CCDC88B: variants seen among roughly 807,000 people sequenced by gnomAD.
CCDC88B encodes the protein coiled-coil domain-containing protein 88B.
Under a neutral mutation model 183.7 loss-of-function variants are expected in CCDC88B, and 138 were observed. The observed-to-expected ratio is 0.75, with a 90% CI of 0.65 to 0.87. The LOEUF is 0.87. Among genes scored for constraint, CCDC88B ranks in the 40% least tolerant of loss-of-function variants. CCDC88B has a pLI of 0.00. For synonymous variants in CCDC88B, 835 were observed against 867.5 expected, an observed-to-expected ratio of 0.96 and a Z score of 0.66; for missense variants, 1,822 against 1,965.6, an observed-to-expected ratio of 0.93 and a Z score of 1.38.
Position 64,343,276 on chromosome 11 carries a change from C to T in CCDC88B, c.1160C>T (p.Thr387Ile), listed in dbSNP as rs1167509039. 3.2e-6 allele frequency: 5 copies of T among 1,549,716 alleles called. No individual in the cohort carries two copies. In the Admixed American group the frequency reaches 9.8e-5, roughly 30 times the overall value. ...GAGCGCTGCGCCCGGCTGCACGAGA[C>T]CCAGCGCGAGAACCTGCTGCTGCGA... ...ARERCARLHE[T>I]QRENLLLRTR... is the part of the protein sequence containing the mutation. The change falls in exon 11 of 27, where the codon ACC (threonine) becomes ATC (isoleucine). Residue 387 changes from threonine (T) to isoleucine (I), a missense_variant. Coordinates refer to ENST00000356786, the MANE Select transcript of CCDC88B (RefSeq NM_032251.6).
chr11:64,347,557 G>A (rs2036161098), intron 14 of CCDC88B, among the ~76,000 whole-genome samples: 1 of 152,176 alleles, frequency 6.6e-6, no homozygotes, highest in Non-Finnish European at 1.5e-5. Context: ...CAGGCGTTGT[G>A]CAAGACAGGC....
chr11:64,351,266 G>GCCCA lies in CCDC88B; in HGVS notation c.2958+13_2958+16dup. On this transcript the variant is annotated intron_variant, in intron 17 of 26. Transcript: ENST00000356786. Reference sequence around the variant, plus strand: ...GAGGTGGAGCGCAGTGTGAGTGTGGGCCCACAGTGGGCCCTGGGGAGGTGC... The same window carrying GCCCA: ...GAGGTGGAGCGCAGTGTGAGTGTGGGCCCACCCACAGTGGGCCCTGGGGAGGTGC... The GCCCA allele has an allele frequency of 6.6e-7, 1 of 1,511,940 alleles. No individual in the cohort carries two copies. Among genetic ancestry groups the GCCCA allele is most frequent in the South Asian group, 1.3e-5 (1 of 77,598 alleles). 93.7% of individuals were successfully genotyped at this position (1,511,940 alleles called of 1,614,324 possible). A position where few individuals can be genotyped will look rare whatever the true frequency, so the allele number is the denominator to read the frequency against.
intron 24 of CCDC88B, 86 bp from the exon 25 acceptor site, chr11:64,355,108 C>T (rs2036501485): frequency 3.1e-6 from 3 of 953,198 alleles, no homozygotes; most frequent in Middle Eastern, 7.3e-4. Context: ...GAGCCTCAGC[C>T]TCCCCCCATT....
rs970045954 is a variant in CCDC88B at position 64,343,501 on chromosome 11, C to T, written c.1210-6C>T. On this transcript the variant is annotated splice_region_variant and splice_polypyrimidine_tract_variant and intron_variant, in intron 11 of 26. Coordinates refer to ENST00000356786, the MANE Select transcript of CCDC88B (RefSeq NM_032251.6). Reference sequence around the variant, plus strand: ...AGGGCTTGTCTGACCCTTCCCTCACCCCCAGGAGCTGGACTCTCTGCGGCA... The same window carrying T: ...AGGGCTTGTCTGACCCTTCCCTCACTCCCAGGAGCTGGACTCTCTGCGGCA... 17 of 1,551,438 alleles carry T rather than the reference C, an allele frequency of 1.1e-5. No homozygotes were observed. Among genetic ancestry groups the T allele is most frequent in the Middle Eastern group, 1.7e-4 (1 of 6,014 alleles).
Position 64,347,432 on chromosome 11 carries a change from C to T in CCDC88B, c.2617-1899C>T, listed in dbSNP as rs182313694. 2.1e-3 allele frequency among the ~76,000 whole-genome samples: 317 copies of T among 152,306 alleles called. 7 individuals are homozygous for T. The highest frequency in any genetic ancestry group is 0.013 in the East Asian group (70 of 5,192). On this transcript the variant is annotated intron_variant, in intron 14 of 26. Coordinates refer to ENST00000356786, the MANE Select transcript of CCDC88B (RefSeq NM_032251.6). ...TGAGTCATCCTGCACAGGCAGTTTC[C>T]AGTCCCATTTCTGTACAGACAAGGA...
chr11:64,344,632 A>C lies in CCDC88B; in HGVS notation c.2091A>C (p.Lys697Asn). The change falls in exon 14 of 27, where the codon AAA becomes AAC. Residue 697 changes from lysine (K) to asparagine (N), a missense_variant. Lys to Asn is a moderately conservative substitution (Grantham distance 94, BLOSUM62 0). Transcript: ENST00000356786. This position sits in a 1 kb window ranked among gnomAD's most constrained non-coding sequence, Gnocchi z 4.5. ...EGTVRDPAWQ[K>N]PQQKSEGALE... The stretch of plus-strand genomic sequence containing the variant: ...CGGTCAGGGACCCAGCCTGGCAAAA[A>C]CCACAGCAGAAGTCAGAAGGGGCTC... The C allele has an allele frequency of 6.2e-7, 1 of 1,613,634 alleles. No homozygotes were observed. The highest frequency in any genetic ancestry group is 8.5e-7 in the Non-Finnish European group (1 of 1,179,796).
Position 64,341,565 on chromosome 11 carries a change from C to T in CCDC88B, c.532-34C>T, listed in dbSNP as rs770612437. ...CACCTGGGACGCCCTTGCCACACCG[C>T]GGCTTCCACTGAACTGCTCTTCCTG... On this transcript the variant is annotated intron_variant, in intron 6 of 26. Transcript: ENST00000356786. 12 of 1,608,086 alleles carry T rather than the reference C, an allele frequency of 7.5e-6. No homozygotes were observed. In the African/African-American group the frequency reaches 1.2e-4, roughly 16 times the overall value.
In CCDC88B at chr11:64,342,700, G is replaced by A; in HGVS notation, c.1062+20G>A. The stretch of plus-strand genomic sequence containing the variant: ...CTGGAGGTGAGGCGGAGACGGAGCC[G>A]CGGGGCGGGGCGTGCGCGAGGGGGC... On this transcript the variant is annotated intron_variant, in intron 10 of 26. Coordinates refer to ENST00000356786, the MANE Select transcript of CCDC88B (RefSeq NM_032251.6). The A allele has an allele frequency of 6.9e-7, 1 of 1,454,920 alleles. No individual in the cohort carries two copies. The highest frequency in any genetic ancestry group is 9.0e-7 in the Non-Finnish European group (1 of 1,111,150). 90.1% of individuals were successfully genotyped at this position (1,454,920 alleles called of 1,614,324 possible).
Position 64,354,081 on chromosome 11 carries a change from G to C in CCDC88B, c.4010G>C (p.Arg1337Pro). 1 of 1,429,960 alleles carries C rather than the reference G, an allele frequency of 7.0e-7. No homozygotes were observed. The highest frequency in any genetic ancestry group is 9.2e-7 in the Non-Finnish European group (1 of 1,086,672). The allele number at this position is 1,429,960 out of a possible 1,614,324, so 88.6% of individuals were successfully genotyped here. A position where few individuals can be genotyped will look rare whatever the true frequency, so the allele number is the denominator to read the frequency against. The change falls in exon 24 of 27, where the codon CGC (arginine) becomes CCC (proline). Residue 1337 changes from arginine (R) to proline (P), a missense_variant. Arg to Pro is a moderately radical substitution (Grantham distance 103). Transcript: ENST00000356786. ...RREGGPPGGL[R>P]LGADGAGSTE... Reference sequence around the variant, plus strand: ...GAGGGGGGCCCCCCTGGGGGGCTGCGCCTGGGGGCCGATGGGGCTGGCAGC... The same window carrying C: ...GAGGGGGGCCCCCCTGGGGGGCTGCCCCTGGGGGCCGATGGGGCTGGCAGC...
rs1158369209 is a variant in CCDC88B at position 64,343,496 on chromosome 11, C to T, written c.1210-11C>T. 1.3e-6 allele frequency: 2 copies of T among 1,551,458 alleles called. No homozygotes were observed. The highest frequency in any genetic ancestry group is 3.9e-5 in the Admixed American group (2 of 50,992). ...TGTGGAGGGCTTGTCTGACCCTTCC[C>T]TCACCCCCAGGAGCTGGACTCTCTG... On this transcript the variant is annotated splice_polypyrimidine_tract_variant and intron_variant, in intron 11 of 26. Coordinates refer to ENST00000356786, the MANE Select transcript of CCDC88B (RefSeq NM_032251.6).
At chr11:64,346,541 C>T (rs1410427745) in intron 14 of CCDC88B, among the ~76,000 whole-genome samples, 2 of 150,876 alleles carry the variant, frequency 1.3e-5, no homozygotes, top group Non-Finnish European at 3.0e-5. Flanking sequence ...CCCAGGTTCA[C>T]GCCATTCTCC....
rs1268591331 is a variant in CCDC88B at position 64,342,557 on chromosome 11, G to A, written c.939G>A (p.Glu313=). ...TGTCGGGACAGGCCAAGCGGGCCGA[G>A]CTGTACCGCGAGGAGGCAGAGGCGC... is the stretch of plus-strand genomic sequence containing the variant. ...QALSGQAKRA[E]LYREEAEALR... The change falls in exon 10 of 27, where the codon GAG becomes GAA. Residue 313 remains glutamate, a synonymous_variant. Transcript: ENST00000356786. 6 of 1,531,844 alleles carry A rather than the reference G, an allele frequency of 3.9e-6. No individual in the cohort carries two copies. Among genetic ancestry groups the A allele is most frequent in the East Asian group, 2.4e-5 (1 of 40,830 alleles). The allele number at this position is 1,531,844 out of a possible 1,614,324, so 94.9% of individuals were successfully genotyped here.
At position 64,342,663 on chromosome 11, in the gene CCDC88B, T is replaced by C; in HGVS notation, c.1045T>C (p.Tyr349His). ...CGAGCGGCTGCAGGCGGCTGAGGCC[T>C]ACAAGAGTCAGCTGGAGGTGAGGCG... Reference protein sequence around the residue: ...CRERLQAAEAYKSQLEEERVL... With the variant: ...CRERLQAAEAHKSQLEEERVL... The change falls in exon 10 of 27, where the codon TAC (tyrosine) becomes CAC (histidine). Residue 349 changes from tyrosine to histidine, a missense_variant. Coordinates refer to ENST00000356786, the MANE Select transcript of CCDC88B (RefSeq NM_032251.6). The C allele has an allele frequency of 6.6e-7, 1 of 1,505,472 alleles. No homozygotes were observed. Among genetic ancestry groups the C allele is most frequent in the Non-Finnish European group, 8.8e-7 (1 of 1,133,548 alleles). 93.3% of individuals were successfully genotyped at this position (1,505,472 alleles called of 1,614,324 possible). A position where few individuals can be genotyped will look rare whatever the true frequency, so the allele number is the denominator to read the frequency against.
intron 25 of CCDC88B, 42 bp from the exon 26 acceptor site, chr11:64,355,518 C>T (rs1386446224): frequency 1.9e-6 from 3 of 1,609,080 alleles, no homozygotes; most frequent in Non-Finnish European, 2.5e-6. Flanking sequence ...CTGTCCACTT[C>T]CGCACTGGCC....
intron 18 of CCDC88B, 128 bp from the exon 19 acceptor site, chr11:64,352,000 AGC>A (rs2036351675): frequency 9.9e-6 from 13 of 1,306,670 alleles, no homozygotes; most frequent in Non-Finnish European, 1.4e-5. Flanking sequence ...CTGTGCCCCC[AGC>A]CCTTTGCCTC....
At chr11:64,353,580 C>T in intron 22 of CCDC88B, 84 bp downstream of exon 22, 2 of 1,578,182 alleles carry the variant, frequency 1.3e-6, no homozygotes, top group Non-Finnish European at 1.7e-6. Flanking sequence ...GGCCTAGGGA[C>T]AGGGTTGGAG....
chr11:64,354,326 C>T (rs2036459196), intron 24 of CCDC88B, among the ~76,000 whole-genome samples, 156 bp downstream of exon 24: 2 of 152,008 alleles, frequency 1.3e-5, no homozygotes, highest in African/African-American at 2.4e-5. Context: ...GGCTCTTTTC[C>T]CTGGGTCCTA....
chr11:64,341,365 C>G, intron 5 of CCDC88B, 37 bp downstream of exon 5: 3 of 1,613,976 alleles, frequency 1.9e-6, no homozygotes, highest in Non-Finnish European at 2.5e-6. Flanking sequence ...TAGGGTCGAG[C>G]TTTGGCGGTA....
In CCDC88B at chr11:64,357,235, C is replaced by T; in HGVS notation, c.*141C>T. On this transcript the variant is annotated 3_prime_UTR_variant, in exon 27 of 27. Transcript: ENST00000356786. ...AAGGAGGCCTGGGCCCTGAGATCCT[C>T]CACGGTCAGCGCCGGGGCCCGGAGA... 1 of 1,032,972 alleles carries T rather than the reference C, an allele frequency of 9.7e-7. No homozygotes were observed. Among genetic ancestry groups the T allele is most frequent in the Non-Finnish European group, 1.5e-6 (1 of 662,962 alleles). 64.0% of individuals were successfully genotyped at this position (1,032,972 alleles called of 1,614,324 possible).
Sources: gnomAD v4.1 joint callset for allele counts (sites outside exome capture counted in the v4.1 genomes callset) on GRCh38, gnomAD v4.1.1 for gene constraint, Gnocchi (gnomAD v3.1) non-coding constraint, MANE v1.5 for transcripts, NCBI Gene and HGNC (gene_info 2026-07-23, HGNC 2026-07-21) for gene names.